The following LAMA2 variants were observed in gnomAD, a reference collection of about 807,000 sequenced individuals.
LAMA2 encodes laminin subunit alpha 2.
LAMA2 carries 269 observed loss-of-function variants against 364.8 expected under a neutral mutation model. The observed-to-expected ratio is 0.74, with a 90% CI of 0.67 to 0.82. LAMA2 has a LOEUF of 0.82. Ranked by LOEUF, LAMA2 falls within the 40% of genes least tolerant of loss-of-function variation. LAMA2 has a pLI of 0.00. For missense variants in LAMA2, 3,807 were observed against 3,873.2 expected (o/e 0.98, Z 0.45); for synonymous variants, 1,379 against 1,370.6 (o/e 1.01, Z -0.14).
intron 41 of LAMA2, among the ~76,000 whole-genome samples, chr6:129,434,423 T>A (rs907637442): frequency 2.0e-5 from 3 of 152,160 alleles, no homozygotes; most frequent in African/African-American, 7.2e-5. Flanking sequence ...TATGTGTGTG[T>A]AGCCTTTGAG....
At chr6:129,503,396 A>G (rs1785803715) in intron 60 of LAMA2, 116 bp downstream of exon 60, 4 of 943,854 alleles carry the variant, frequency 4.2e-6, no homozygotes, top group African/African-American at 3.3e-5. Context: ...GGCAGAAGCT[A>G]AAAATAAAAT....
intron 12 of LAMA2, among the ~76,000 whole-genome samples, chr6:129,222,416 A>T (rs372895033): frequency 2.0e-4 from 30 of 151,906 alleles, no homozygotes; most frequent in African/African-American, 7.0e-4. Context: ...GTATGTGTAC[A>T]TGTGCCATGT....
rs537821156 is a variant in LAMA2 at position 129,474,103 on chromosome 6, G to A, written c.7439+751G>A. ...GGTTAAACCGTAAGAGTTTATTACA[G>A]ACTACCATGTTTTTAATTTTTTGTT... On this transcript the variant is annotated intron_variant, in intron 52 of 64. Coordinates refer to ENST00000421865, the MANE Select transcript of LAMA2 (RefSeq NM_000426.4). Among the ~76,000 whole-genome samples, 4 of 152,122 alleles carry A rather than the reference G, an allele frequency of 2.6e-5. No individual in the cohort carries two copies. The South Asian group carries it at 6.2e-4, about 24-fold the overall frequency.
chr6:129,305,521 C>T (rs1773811472), intron 22 of LAMA2, among the ~76,000 whole-genome samples: 1 of 151,978 alleles, frequency 6.6e-6, no homozygotes, highest in South Asian at 2.1e-4. Context: ...AATGAGATCT[C>T]ACTATATTGC....
intron 35 of LAMA2, among the ~76,000 whole-genome samples, chr6:129,384,914 G>A (rs1353578916): frequency 6.6e-6 from 1 of 151,460 alleles, no homozygotes; most frequent in East Asian, 2.0e-4. Context: ...TTGCCTGCAG[G>A]CACTATTTGG....
rs139884698 is a variant in LAMA2, at chr6:129,068,419, A to G, written c.396+8523A>G. On this transcript the variant is annotated intron_variant, in intron 3 of 64. Transcript: ENST00000421865. Reference sequence around the variant, plus strand: ...CAAGATCAAAGCACTGGCAGATTCAATGTCTGGTGAGGGTCTGCTTCCTGG... The same window carrying G: ...CAAGATCAAAGCACTGGCAGATTCAGTGTCTGGTGAGGGTCTGCTTCCTGG... Among the ~76,000 whole-genome samples the G allele has an allele frequency of 8.1e-3, 1,240 of 152,304 alleles. 7 individuals carry two copies. Among genetic ancestry groups the G allele is most frequent in the Non-Finnish European group, 0.012 (785 of 68,024 alleles).
rs1368163796 is a variant in LAMA2 at position 129,187,337 on chromosome 6, C to T, written c.1468-2868C>T. Among the ~76,000 whole-genome samples, 6 of 151,862 alleles carry T rather than the reference C, an allele frequency of 4.0e-5. No homozygotes were observed. The East Asian group carries it at 1.2e-3, about 29-fold the overall frequency. The stretch of plus-strand genomic sequence containing the variant: ...AAATTTTGGTCTCTATGAAAATGTG[C>T]ACAAAAGTCCCAGAACACTATACTT... On this transcript the variant is annotated intron_variant, in intron 10 of 64. Transcript: ENST00000421865.
intron 4 of LAMA2, among the ~76,000 whole-genome samples, chr6:129,111,772 G>A (rs944290325): frequency 6.6e-6 from 1 of 151,942 alleles, no homozygotes; most frequent in Non-Finnish European, 1.5e-5. Flanking sequence ...GTAATATGGT[G>A]AATATTAAAC....
intron 32 of LAMA2, among the ~76,000 whole-genome samples, chr6:129,363,593 T>C (rs1429748375): frequency 1.3e-5 from 2 of 152,226 alleles, no homozygotes; most frequent in Non-Finnish European, 2.9e-5. Flanking sequence ...GTTGGTCTGA[T>C]TGCTACTCAA....
intron 63 of LAMA2, among the ~76,000 whole-genome samples, chr6:129,512,916 A>G (rs1253740087): frequency 1.3e-5 from 2 of 152,212 alleles, no homozygotes; most frequent in East Asian, 3.8e-4. Context: ...TTAGAAGCCA[A>G]GGTAGCCAAC....
rs746201268 is a variant in LAMA2 at position 129,393,184 on chromosome 6, G to T, written c.5374G>T (p.Glu1792Ter). The T allele has an allele frequency of 1.2e-6, 2 of 1,614,050 alleles. No individual in the cohort carries two copies. Among genetic ancestry groups the T allele is most frequent in the Non-Finnish European group, 1.7e-6 (2 of 1,179,954 alleles). The change falls in exon 37 of 65, where the codon GAA becomes TAA. Residue 1792 changes from glutamate (E) to a stop codon, truncating the protein, a stop_gained. Transcript: ENST00000421865. LOFTEE classifies it high-confidence loss of function. ...KVDDAWDLLR[E>*]ATDKIREANR... ...TGATGATGCTTGGGACCTTTTGAGA[G>T]AAGCCACAGATAAAATCAGAGAAGC...
chr6:129,326,068 G>A (rs894958343), intron 28 of LAMA2, among the ~76,000 whole-genome samples: 2 of 152,126 alleles, frequency 1.3e-5, no homozygotes, highest in Non-Finnish European at 2.9e-5. Context: ...TGGAACTCCT[G>A]ACCTCAAGTA....
At chr6:129,359,642 A>AT (rs150733471) in intron 32 of LAMA2, among the ~76,000 whole-genome samples, 1 of 152,134 alleles carries the variant, frequency 6.6e-6, no homozygotes, top group Non-Finnish European at 1.5e-5. Context: ...TAACATACAC[A>AT]CATTAACACA....
At chr6:129,143,668 A>T (rs1042891760) in intron 4 of LAMA2, among the ~76,000 whole-genome samples, 1 of 152,048 alleles carries the variant, frequency 6.6e-6, no homozygotes, top group African/African-American at 2.4e-5. Context: ...AGGTAGTTGA[A>T]GTATAAGGAG....
chr6:129,367,384 A>G (rs1446411730), intron 33 of LAMA2, among the ~76,000 whole-genome samples: 2 of 152,228 alleles, frequency 1.3e-5, no homozygotes, highest in Non-Finnish European at 2.9e-5. Context: ...CTTTAAAAAT[A>G]ATCATTAAAC....
At chr6:128,969,748 G>A (rs569604939) in intron 1 of LAMA2, among the ~76,000 whole-genome samples, 3 of 151,964 alleles carry the variant, frequency 2.0e-5, no homozygotes, top group Non-Finnish European at 4.4e-5. Context: ...TTAATATTAT[G>A]TACACAGAAG....
At chr6:128,962,181 T>TACACAC (rs1251433348) in intron 1 of LAMA2, among the ~76,000 whole-genome samples, 6 of 118,544 alleles carry the variant, frequency 5.1e-5, no homozygotes, top group African/African-American at 1.5e-4. Context: ...TATATATATA[T>TACACAC]ATATACACAC....
chr6:129,308,359 A>G (rs1774007742), intron 22 of LAMA2, among the ~76,000 whole-genome samples: 2 of 152,232 alleles, frequency 1.3e-5, no homozygotes, highest in Non-Finnish European at 2.9e-5. Flanking sequence ...GGAAACTTAC[A>G]AGAGTTCCGT....
chr6:129,507,818 C>A (rs1232885218), intron 62 of LAMA2, among the ~76,000 whole-genome samples, 176 bp downstream of exon 62: 3 of 152,108 alleles, frequency 2.0e-5, no homozygotes, highest in African/African-American at 7.2e-5. Context: ...TGTATCTGAT[C>A]CTGATAAGAA....
Sources: allele counts gnomAD v4.1 joint callset (sites outside exome capture counted in the v4.1 genomes callset), GRCh38; gene constraint gnomAD v4.1.1; transcripts MANE v1.5; gene names NCBI Gene and HGNC (gene_info 2026-07-23, HGNC 2026-07-21).